Variants in MAML3 observed in about 807,000 individuals in gnomAD.
MAML3 encodes the protein mastermind-like protein 3.
MAML3 carries 27 observed loss-of-function variants against 101.9 expected under a neutral mutation model. That is an observed-to-expected ratio of 0.27 (90% CI 0.20 to 0.37). The LOEUF (loss-of-function observed/expected upper bound fraction) is 0.37. Ranked by LOEUF, MAML3 falls within the 10% of genes least tolerant of loss-of-function variation. The pLI is 1.00. For synonymous variants in MAML3, 501 were observed against 555.9 expected, an observed-to-expected ratio of 0.90 and a Z score of 1.39; for missense variants, 1,316 against 1,444.9, an observed-to-expected ratio of 0.91 and a Z score of 1.45.
intron 1 of MAML3, among the ~76,000 whole-genome samples, chr4:140,116,267 T>C (rs929425387): frequency 6.6e-6 from 1 of 152,208 alleles, no homozygotes; most frequent in Non-Finnish European, 1.5e-5. Context: ...ACTGTGTTCT[T>C]AAATTTCTGA....
At chr4:140,041,017 T>C (rs1460448849) in intron 1 of MAML3, among the ~76,000 whole-genome samples, 1 of 152,146 alleles carries the variant, frequency 6.6e-6, no homozygotes, top group Non-Finnish European at 1.5e-5. Context: ...GGAATCATTT[T>C]GTTGTTTGAC....
At chr4:139,986,502 T>C (rs184315519) in intron 1 of MAML3, among the ~76,000 whole-genome samples, 55 of 152,348 alleles carry the variant, frequency 3.6e-4, no homozygotes, top group African/African-American at 1.3e-3. Flanking sequence ...ATTCTCCCAC[T>C]TCTTGTTTCT....
chr4:140,028,957 A>AT (rs752867824), intron 1 of MAML3, among the ~76,000 whole-genome samples: 23 of 152,086 alleles, frequency 1.5e-4, no homozygotes, highest in Non-Finnish European at 2.6e-4. Context: ...CACTGTTGTC[A>AT]TTGTCACTTT....
intron 2 of MAML3, among the ~76,000 whole-genome samples, chr4:139,745,944 C>T (rs1004536386): frequency 3.9e-5 from 6 of 152,170 alleles, no homozygotes; most frequent in Admixed American, 6.5e-5. Context: ...AGTTTTTGTG[C>T]TTCCTTAACT....
chr4:139,878,425 T>C (rs1732153403), intron 2 of MAML3, among the ~76,000 whole-genome samples: 1 of 152,210 alleles, frequency 6.6e-6, no homozygotes. Context: ...TAGGTTACAC[T>C]GTTTTGGTAT....
intron 1 of MAML3, among the ~76,000 whole-genome samples, chr4:140,129,114 G>A (rs116913603): frequency 6.6e-6 from 1 of 152,034 alleles, no homozygotes; most frequent in Non-Finnish European, 1.5e-5. Context: ...TCTTTTAAAT[G>A]GAAACAATAA....
intron 1 of MAML3, among the ~76,000 whole-genome samples, chr4:139,921,049 T>G (rs1482431382): frequency 2.0e-5 from 3 of 152,102 alleles, no homozygotes; most frequent in Non-Finnish European, 2.9e-5. Context: ...TTTCTTCTGC[T>G]CTCTTTCCTC....
intron 2 of MAML3, among the ~76,000 whole-genome samples, chr4:139,789,640 A>T (rs1411960791): frequency 1.3e-5 from 2 of 152,138 alleles, no homozygotes; most frequent in Admixed American, 6.5e-5. Flanking sequence ...GTCTGTAAGT[A>T]CTGAGGAGCC....
chr4:140,148,653 T>C (rs1729104394), intron 1 of MAML3, among the ~76,000 whole-genome samples: 1 of 152,210 alleles, frequency 6.6e-6, no homozygotes, highest in Non-Finnish European at 1.5e-5. Context: ...GCCAGTAATT[T>C]ACCTTCAACA....
At chr4:139,907,071 A>C (rs2111219029) in intron 1 of MAML3, among the ~76,000 whole-genome samples, 1 of 152,370 alleles carries the variant, frequency 6.6e-6, no homozygotes, top group Admixed American at 6.5e-5. Context: ...CCACACTGCC[A>C]GATTTGACTA....
chr4:139,871,278 T>C (rs1006358346), intron 2 of MAML3, among the ~76,000 whole-genome samples: 1 of 152,236 alleles, frequency 6.6e-6, no homozygotes, highest in Non-Finnish European at 1.5e-5. Flanking sequence ...AAAATAACTT[T>C]CATTACATGT....
Position 139,783,274 on chromosome 4 carries a change from T to G in MAML3, c.2080-52607A>C, listed in dbSNP as rs190870871. Among the ~76,000 whole-genome samples, 924 of 152,332 alleles carry G rather than the reference T, an allele frequency of 6.1e-3. 3 individuals carry two copies. The highest frequency in any genetic ancestry group is 8.9e-3 in the Non-Finnish European group (603 of 68,028). On this transcript the variant is annotated intron_variant, in intron 2 of 4. Coordinates refer to ENST00000509479, the MANE Select transcript of MAML3 (RefSeq NM_018717.5). ...TCACCAGGCAGATGGCTAATTTCTT[T>G]GCTCTAACCTCATTTCTCCAGTATT...
At chr4:140,149,898 T>C (rs555518698) in intron 1 of MAML3, among the ~76,000 whole-genome samples, 52 of 151,912 alleles carry the variant, frequency 3.4e-4, no homozygotes, top group South Asian at 8.3e-4. Flanking sequence ...TTTAAACTAA[T>C]TATTTTAAAA....
intron 1 of MAML3, among the ~76,000 whole-genome samples, chr4:140,133,406 C>A (rs62345608): frequency 1.3e-5 from 2 of 152,096 alleles, no homozygotes; most frequent in Non-Finnish European, 2.9e-5. Context: ...ATTACACAGT[C>A]CCCAAAAGAT....
intron 1 of MAML3, among the ~76,000 whole-genome samples, chr4:139,927,072 C>CTTTTTTT (rs61573991): frequency 3.7e-5 from 5 of 134,726 alleles, no homozygotes; most frequent in East Asian, 2.1e-4. Flanking sequence ...TTTCTTTTTT[C>CTTTTTTT]TTTTTTTTTT....
intron 2 of MAML3, among the ~76,000 whole-genome samples, chr4:139,860,412 G>C (rs973018395): frequency 2.0e-5 from 3 of 152,246 alleles, no homozygotes; most frequent in African/African-American, 4.8e-5. Flanking sequence ...GGCAGTTGCG[G>C]GAGGGCATCC....
intron 2 of MAML3, among the ~76,000 whole-genome samples, chr4:139,867,170 C>A (rs986435545): frequency 6.6e-6 from 1 of 152,144 alleles, no homozygotes; most frequent in Non-Finnish European, 1.5e-5. Context: ...AGCCAATAAC[C>A]ATTCCGTCTG....
At chr4:139,761,806 C>G (rs1325041363) in intron 2 of MAML3, among the ~76,000 whole-genome samples, 1 of 152,146 alleles carries the variant, frequency 6.6e-6, no homozygotes, top group Admixed American at 6.5e-5. Context: ...ACTAACCCAG[C>G]CTGGCTGGGT....
intron 2 of MAML3, among the ~76,000 whole-genome samples, chr4:139,856,109 C>T (rs1578632619): frequency 6.6e-6 from 1 of 152,332 alleles, no homozygotes; most frequent in East Asian, 1.9e-4. Context: ...CCTGGAGAGC[C>T]ATGCCAATGT....
Sources: gnomAD v4.1 joint callset for allele counts (sites outside exome capture counted in the v4.1 genomes callset) on GRCh38, gnomAD v4.1.1 for gene constraint, MANE v1.5 for transcripts, NCBI Gene and HGNC (gene_info 2026-07-23, HGNC 2026-07-21) for gene names.